DOCK9: variants seen among roughly 807,000 people sequenced by gnomAD.
DOCK9 encodes the protein dedicator of cytokinesis 9.
Under a neutral mutation model 263.3 loss-of-function variants are expected in DOCK9, and 89 were observed. That is an observed-to-expected ratio of 0.34 (90% CI 0.28 to 0.40). The LOEUF (loss-of-function observed/expected upper bound fraction) is 0.40, where lower values mean the gene tolerates loss of function less well. Ranked by LOEUF, DOCK9 falls within the 10% of genes least tolerant of loss-of-function variation. The pLI is 1.00. For missense variants in DOCK9, 2,140 were observed against 2,603.4 expected, an observed-to-expected ratio of 0.82 and a Z score of 3.87; for synonymous variants, 976 against 973.1, an observed-to-expected ratio of 1.00 and a Z score of -0.06.
intron 1 of DOCK9, among the ~76,000 whole-genome samples, chr13:99,055,046 A>G (rs890731805): frequency 6.6e-6 from 1 of 152,278 alleles, no homozygotes. Flanking sequence ...CTTTTTTTGC[A>G]CAAAGGTTCT....
At chr13:98,989,087 TG>T (rs918841285) in intron 1 of DOCK9, among the ~76,000 whole-genome samples, 12 of 152,166 alleles carry the variant, frequency 7.9e-5, no homozygotes, top group Admixed American at 5.2e-4. Context: ...CCAGAAATGC[TG>T]TCAATCTGCA....
chr13:98,940,427 C>G (rs1285051405), intron 2 of DOCK9, among the ~76,000 whole-genome samples: 1 of 152,092 alleles, frequency 6.6e-6, no homozygotes, highest in Non-Finnish European at 1.5e-5. Context: ...GAGATAGGGT[C>G]TCGCTCTGTT....
At chr13:98,956,336 T>C (rs35963961) in intron 1 of DOCK9, among the ~76,000 whole-genome samples, 6,801 of 152,334 alleles carry the variant, frequency 0.045, 208 homozygotes, top group Middle Eastern at 0.1. Context: ...TGTTTATGGC[T>C]CGCTTTCCAC....
At chr13:98,902,702 T>C (rs1287062500) in intron 11 of DOCK9, among the ~76,000 whole-genome samples, 1 of 152,232 alleles carries the variant, frequency 6.6e-6, no homozygotes, top group Non-Finnish European at 1.5e-5. Flanking sequence ...TTTTGCTACG[T>C]AATGTATGTT....
intron 1 of DOCK9, among the ~76,000 whole-genome samples, chr13:98,994,007 A>G (rs1567182291): frequency 6.6e-6 from 1 of 152,194 alleles, no homozygotes. Flanking sequence ...ACAGGAGTAA[A>G]TGTGTGATTG....
At chr13:98,851,341 T>C (rs1207156749) in intron 35 of DOCK9, among the ~76,000 whole-genome samples, 1 of 152,088 alleles carries the variant, frequency 6.6e-6, no homozygotes, top group African/African-American at 2.4e-5. Context: ...GCTTCCATCT[T>C]TAGGGGTTTC....
intron 1 of DOCK9, among the ~76,000 whole-genome samples, chr13:99,017,588 G>A: frequency 6.6e-6 from 1 of 152,128 alleles, no homozygotes; most frequent in East Asian, 1.9e-4. Context: ...GGTATATGCT[G>A]TTTGATTTAC....
At chr13:98,823,067 AAAC>A (rs1260308160) in intron 45 of DOCK9, among the ~76,000 whole-genome samples, 16 of 152,148 alleles carry the variant, frequency 1.1e-4, no homozygotes, top group Non-Finnish European at 5.9e-5. Context: ...AATTTAATGA[AAAC>A]AATAAGCCTA....
intron 1 of DOCK9, chr13:99,015,900 C>G (rs1408035546): frequency 1.1e-5 from 6 of 531,304 alleles, no homozygotes; most frequent in African/African-American, 9.9e-5. Context: ...TTGCTTCACT[C>G]TTAATACCAA....
chr13:99,023,969 G>C (rs140434433), intron 1 of DOCK9, among the ~76,000 whole-genome samples: 1 of 152,276 alleles, frequency 6.6e-6, no homozygotes, highest in Admixed American at 6.5e-5. Flanking sequence ...TGAAACGAAT[G>C]AACAAATACA....
At chr13:99,087,843 G>A (rs549401705), upstream of DOCK9, 1 of 152,274 alleles carries the variant, frequency 6.6e-6, no homozygotes, top group Non-Finnish European at 1.5e-5. Flanking sequence ...CTTACCTGCC[G>A]GGTCGGCCTC....
At chr13:98,996,082 C>T (rs1880969420) in intron 1 of DOCK9, among the ~76,000 whole-genome samples, 1 of 152,114 alleles carries the variant, frequency 6.6e-6, no homozygotes, top group Non-Finnish European at 1.5e-5. Context: ...CACCAAAGGG[C>T]TTTAAATAGC....
chr13:99,072,478 G>A (rs9517585), intron 1 of DOCK9, among the ~76,000 whole-genome samples: 42,370 of 151,956 alleles, frequency 0.28, 6,288 homozygotes, highest in East Asian at 0.43. Flanking sequence ...TCCTGACTTC[G>A]GGGACAAAGC....
chr13:98,995,809 C>G (rs1213593806), intron 1 of DOCK9, among the ~76,000 whole-genome samples: 4 of 152,018 alleles, frequency 2.6e-5, no homozygotes, highest in Non-Finnish European at 4.4e-5. Flanking sequence ...TTAAACATGG[C>G]TAGAAGGAGG....
In DOCK9 at chr13:98,897,593, G is replaced by A. The variant is rs1407965867; in HGVS notation, c.1604C>T (p.Ala535Val). Residue 535 changes from alanine to valine, a missense_variant, in exon 15 of 53, where the codon GCA becomes GTA. By Grantham distance (64) the Ala-to-Val change is moderately conservative. This residue lies in a region of DOCK9 where 1,521 missense variants were observed against 1,741.7 expected (regional missense o/e 0.87). Transcript: ENST00000682017. ...AWAARTLFKD[A>V]SGNLDKNARF... ...GGCATTTTTGTCAAGATTTCCAGAT[G>A]CATCCTTAAACAATGTCCTGAAATG... 1.9e-6 allele frequency: 3 copies of A among 1,613,742 alleles called. No homozygotes were observed. The highest frequency in any genetic ancestry group is 2.5e-6 in the Non-Finnish European group (3 of 1,179,832).
chr13:98,923,045 T>C (rs1478079903), intron 5 of DOCK9, among the ~76,000 whole-genome samples: 2 of 152,252 alleles, frequency 1.3e-5, no homozygotes, highest in Non-Finnish European at 2.9e-5. Flanking sequence ...TAGCCAGATC[T>C]GATCCAAGTC....
intron 2 of DOCK9, among the ~76,000 whole-genome samples, chr13:98,937,063 TATATCCACTTTATATA>T (rs2054972804): frequency 6.6e-6 from 1 of 152,244 alleles, no homozygotes; most frequent in Non-Finnish European, 1.5e-5. Flanking sequence ...AAGATAGGTC[TATATCCACTTTATATA>T]GACCCAATGC....
rs561330038 is a variant in DOCK9, at chr13:98,839,546, C to T, written c.4199-1937G>A. Reference sequence around the variant, plus strand: ...CTTTCCTGAGGGCTGCCATTTGCCCCGAATGAGTTTTTGTCTGGGTTCAAT... The same window carrying T: ...CTTTCCTGAGGGCTGCCATTTGCCCTGAATGAGTTTTTGTCTGGGTTCAAT... On this transcript the variant is annotated intron_variant, in intron 38 of 52. Coordinates refer to ENST00000682017, the MANE Select transcript of DOCK9 (RefSeq NM_001366683.2). Among the ~76,000 whole-genome samples, 12 of 152,286 alleles carry T rather than the reference C, an allele frequency of 7.9e-5. No homozygotes were observed. The East Asian group carries it at 1.9e-3, about 24-fold the overall frequency.
At chr13:98,968,871 T>A (rs1255369535) in intron 1 of DOCK9, among the ~76,000 whole-genome samples, 1 of 152,228 alleles carries the variant, frequency 6.6e-6, no homozygotes, top group Non-Finnish European at 1.5e-5. Flanking sequence ...GTGTCTCCAA[T>A]AGGCCCCTCC....
Sources: allele counts gnomAD v4.1 joint callset (sites outside exome capture counted in the v4.1 genomes callset), GRCh38; gene constraint gnomAD v4.1.1; regional missense constraint gnomAD v4.1.1; transcripts MANE v1.5; gene names NCBI Gene and HGNC (gene_info 2026-07-23, HGNC 2026-07-21).